Variants in CCDC102B observed in about 807,000 individuals in gnomAD.
CCDC102B encodes the protein coiled-coil domain containing 102B.
In CCDC102B, 75 loss-of-function variants were observed where a neutral mutation model predicts 57.4. That is an observed-to-expected ratio of 1.31 (90% CI 1.08 to 1.58). The LOEUF (loss-of-function observed/expected upper bound fraction) is 1.58. Among genes scored for constraint, CCDC102B ranks in the 40% most tolerant of loss-of-function variants. CCDC102B has a pLI of 0.00. For synonymous variants in CCDC102B, 206 were observed against 201.9 expected, an observed-to-expected ratio of 1.02 and a Z score of -0.17; for missense variants, 636 against 582.6, an observed-to-expected ratio of 1.09 and a Z score of -0.94.
chr18:68,928,500 G>A (rs184411126), intron 6 of CCDC102B, among the ~76,000 whole-genome samples: 358 of 151,888 alleles, frequency 2.4e-3, no homozygotes, highest in Non-Finnish European at 3.7e-3. Context: ...GGAGGACGTG[G>A]CTACCTCTGT....
At chr18:68,921,811 TG>T (rs1200675379) in intron 6 of CCDC102B, among the ~76,000 whole-genome samples, 138 of 152,310 alleles carry the variant, frequency 9.1e-4, no homozygotes, top group African/African-American at 2.9e-3. Context: ...ATTAAAATAT[TG>T]CAATTGTAGC....
chr18:68,808,442 C>T (rs952940666), intron 1 of CCDC102B, among the ~76,000 whole-genome samples: 4 of 146,794 alleles, frequency 2.7e-5, no homozygotes, highest in Non-Finnish European at 4.5e-5. Flanking sequence ...TTGAATCATT[C>T]CATTGTTATT....
chr18:68,992,985 C>T (rs1897290), intron 6 of CCDC102B: 140,490 of 163,038 alleles, frequency 0.86, 62,596 homozygotes, highest in Non-Finnish European at 0.97. Context: ...GAGCTGCATC[C>T]GCTTCTGAGC....
chr18:68,986,717 A>C (rs1395036993), intron 6 of CCDC102B, among the ~76,000 whole-genome samples: 1 of 152,114 alleles, frequency 6.6e-6, no homozygotes, highest in African/African-American at 2.4e-5. Context: ...ACAACAAAAA[A>C]AAAACTTCAA....
chr18:68,827,868 T>A (rs2036968369), intron 1 of CCDC102B, among the ~76,000 whole-genome samples: 1 of 151,854 alleles, frequency 6.6e-6, no homozygotes, highest in South Asian at 2.1e-4. Context: ...AAAAAGTAAC[T>A]TGGAAATAGT....
At chr18:68,901,978 A>G (rs1374799063) in intron 6 of CCDC102B, among the ~76,000 whole-genome samples, 1 of 152,178 alleles carries the variant, frequency 6.6e-6, no homozygotes, top group Non-Finnish European at 1.5e-5. Context: ...GTCTAGGATA[A>G]GGTCTGAGAT....
chr18:69,032,136 T>A (rs944175336), intron 7 of CCDC102B, among the ~76,000 whole-genome samples: 4 of 152,174 alleles, frequency 2.6e-5, no homozygotes, highest in African/African-American at 9.6e-5. Flanking sequence ...TTGAGTTTTT[T>A]TGATGCTGAA....
chr18:68,945,858 C>T (rs1005476649), intron 6 of CCDC102B, among the ~76,000 whole-genome samples: 3 of 151,986 alleles, frequency 2.0e-5, no homozygotes, highest in Non-Finnish European at 2.9e-5. Context: ...ATATTAAAAC[C>T]GTTGACCTTG....
intron 6 of CCDC102B, among the ~76,000 whole-genome samples, chr18:68,937,673 A>G (rs1238216746): frequency 6.6e-6 from 1 of 152,022 alleles, no homozygotes; most frequent in Admixed American, 6.6e-5. Context: ...ATAGGTATAC[A>G]TGTGCCATGG....
intron 6 of CCDC102B, among the ~76,000 whole-genome samples, chr18:68,948,497 G>GA (rs76673025): frequency 0.29 from 44,590 of 151,678 alleles, 7,703 homozygotes; most frequent in African/African-American, 0.46. Flanking sequence ...AGTGTATTTG[G>GA]AAAAATCAAT....
chr18:68,936,776 CATACAT>C (rs2049251780), intron 6 of CCDC102B, among the ~76,000 whole-genome samples: 2 of 149,864 alleles, frequency 1.3e-5, no homozygotes, highest in South Asian at 2.1e-4. Context: ...CACATACATA[CATACAT>C]ATATATACAT....
At chr18:68,958,466 GT>G (rs1347527584) in intron 6 of CCDC102B, among the ~76,000 whole-genome samples, 1 of 151,992 alleles carries the variant, frequency 6.6e-6, no homozygotes, top group South Asian at 2.1e-4. Flanking sequence ...CATAATGAAT[GT>G]TTTTTTAGAT....
intron 1 of CCDC102B, among the ~76,000 whole-genome samples, chr18:68,819,095 G>A (rs1037132993): frequency 6.6e-6 from 1 of 152,060 alleles, no homozygotes; most frequent in Non-Finnish European, 1.5e-5. Flanking sequence ...CTCATGAACA[G>A]AAATTCATAG....
At chr18:68,826,194 C>T (rs2036896679) in intron 1 of CCDC102B, among the ~76,000 whole-genome samples, 1 of 152,174 alleles carries the variant, frequency 6.6e-6, no homozygotes, top group African/African-American at 2.4e-5. Flanking sequence ...ACATGTGTGG[C>T]TTAATTGAAT....
chr18:68,748,205 GGTGTGTGTGTGTGTGT>G (rs5825872), intron 2 of CCDC102B, among the ~76,000 whole-genome samples: 3,205 of 137,574 alleles, frequency 0.023, 115 homozygotes, highest in African/African-American at 0.07. Flanking sequence ...TTATTAAACT[GGTGTGTGTGTGTGTGT>G]GTGTGTGTGT....
intron 1 of CCDC102B, among the ~76,000 whole-genome samples, chr18:68,715,958 A>G (rs2031942522): frequency 6.6e-6 from 1 of 152,172 alleles, no homozygotes; most frequent in Non-Finnish European, 1.5e-5. Flanking sequence ...TCCAACAGGC[A>G]AAAATGTCAT....
In CCDC102B at chr18:68,807,242, A is replaced by G. The variant is rs78832660; in HGVS notation, c.-16+9061A>G. Among the ~76,000 whole-genome samples, 535 of 152,238 alleles carry G rather than the reference A, an allele frequency of 3.5e-3. 6 individuals are homozygous for G. Among genetic ancestry groups the G allele is most frequent in the African/African-American group, 0.013 (520 of 41,552 alleles). ...GGGACCAATATATTCTCTGCTTGCT[A>G]TAATTTAAGAAAATTTACTAATTTA... On this transcript the variant is annotated intron_variant, in intron 1 of 7. Coordinates refer to ENST00000360242, the MANE Select transcript of CCDC102B (RefSeq NM_024781.3).
chr18:68,820,708 T>C (rs2036659435), intron 1 of CCDC102B, among the ~76,000 whole-genome samples: 1 of 152,140 alleles, frequency 6.6e-6, no homozygotes, highest in Non-Finnish European at 1.5e-5. Context: ...TATTCTTTCG[T>C]TCATACAATA....
rs767343400 is a variant in CCDC102B at position 68,837,040 on chromosome 18, C to G, written c.277C>G (p.Arg93Gly). ...AGCTGCTCAGATGGAAAAGACCATG[C>G]GGTGGTGGTCGGACTGCACTGCCAA... is the stretch of plus-strand genomic sequence containing the variant. ...ARAAQMEKTM[R>G]WWSDCTANWR... The change falls in exon 2 of 8, where the codon CGG becomes GGG. Residue 93 changes from arginine to glycine, a missense_variant. Physicochemically the swap from Arg to Gly is moderately radical, Grantham distance 125 (BLOSUM62 -2). Coordinates refer to ENST00000360242, the MANE Select transcript of CCDC102B (RefSeq NM_024781.3). The G allele has an allele frequency of 3.7e-6, 6 of 1,613,974 alleles. No homozygotes were observed. Among genetic ancestry groups the G allele is most frequent in the Admixed American group, 1.7e-5 (1 of 59,986 alleles).
Sources: gnomAD v4.1 joint callset for allele counts (sites outside exome capture counted in the v4.1 genomes callset) on GRCh38, gnomAD v4.1.1 for gene constraint, MANE v1.5 for transcripts, NCBI Gene and HGNC (gene_info 2026-07-23, HGNC 2026-07-21) for gene names.